NPAS3: variants seen among roughly 807,000 people sequenced by gnomAD.
The protein encoded by NPAS3 is neuronal PAS domain-containing protein 3.
NPAS3 carries 14 observed loss-of-function variants against 73.1 expected under a neutral mutation model. The ratio of observed to expected loss-of-function variants is 0.19; its 90% CI spans 0.13 to 0.30. NPAS3 has a LOEUF of 0.30. Among genes scored for constraint, NPAS3 ranks in the 10% least tolerant of loss-of-function variants. NPAS3 has a pLI of 1.00. For synonymous variants in NPAS3, 620 were observed against 541.5 expected, an observed-to-expected ratio of 1.14 and a Z score of -2.01; for missense variants, 1,096 against 1,250.0, an observed-to-expected ratio of 0.88 and a Z score of 1.86.
At chr14:33,038,680 T>G (rs550722927) in intron 1 of NPAS3, among the ~76,000 whole-genome samples, 1 of 152,276 alleles carries the variant, frequency 6.6e-6, no homozygotes, top group African/African-American at 2.4e-5. Context: ...GTACGCACAC[T>G]GGAAAATGGG....
chr14:33,393,278 A>C (rs2047083007), intron 4 of NPAS3, among the ~76,000 whole-genome samples: 1 of 152,148 alleles, frequency 6.6e-6, no homozygotes, highest in Non-Finnish European at 1.5e-5. Flanking sequence ...GTATTTGCTG[A>C]TAGTTTTTTA....
intron 2 of NPAS3, among the ~76,000 whole-genome samples, chr14:33,085,521 T>G (rs1270273360): frequency 6.6e-6 from 1 of 152,182 alleles, no homozygotes; most frequent in African/African-American, 2.4e-5. Flanking sequence ...TATTCTCTCT[T>G]CTCGTAGAAT....
At chr14:33,623,713 C>G (rs2058145062) in intron 5 of NPAS3, among the ~76,000 whole-genome samples, 1 of 152,202 alleles carries the variant, frequency 6.6e-6, no homozygotes. Context: ...TCCCCACACA[C>G]CTTTTATTTC....
intron 2 of NPAS3, among the ~76,000 whole-genome samples, chr14:33,161,103 C>G (rs1464139464): frequency 6.6e-6 from 1 of 152,184 alleles, no homozygotes; most frequent in East Asian, 1.9e-4. Context: ...GTGACTTTAG[C>G]TTTTCCTTAG....
intron 6 of NPAS3, among the ~76,000 whole-genome samples, chr14:33,715,217 C>G (rs2060925779): frequency 6.6e-6 from 1 of 152,180 alleles, no homozygotes; most frequent in Non-Finnish European, 1.5e-5. Context: ...TGTTTGTAAG[C>G]TGGCTCTGAT....
upstream of NPAS3, among the ~76,000 whole-genome samples, chr14:32,938,457 A>AAGAGAGAGAGAGAG (rs139406191): frequency 3.3e-4 from 23 of 68,668 alleles, no homozygotes; most frequent in African/African-American, 1.4e-3. Flanking sequence ...CCCAACGAGA[A>AAGAGAGAGAGAGAG]AGAGAGAGAG....
chr14:33,330,270 A>C (rs975019483), intron 3 of NPAS3, among the ~76,000 whole-genome samples: 3 of 152,126 alleles, frequency 2.0e-5, no homozygotes, highest in Non-Finnish European at 4.4e-5. Context: ...TAACAACAAC[A>C]ACAAAAAACA....
rs564738169 is a variant in NPAS3, at chr14:33,685,078, C to T, written c.733+8693C>T. Reference sequence around the variant, plus strand: ...TTCACGATTCAGACCCACTTGCTAACGGGGATTGTGTAGATTATTCAACAA... The same window carrying T: ...TTCACGATTCAGACCCACTTGCTAATGGGGATTGTGTAGATTATTCAACAA... On this transcript the variant is annotated intron_variant, in intron 6 of 11. Transcript: ENST00000356141. Among the ~76,000 whole-genome samples, 16 of 152,286 alleles carry T rather than the reference C, an allele frequency of 1.1e-4. No homozygotes were observed. The East Asian group carries it at 2.5e-3, about 24-fold the overall frequency.
intron 6 of NPAS3, among the ~76,000 whole-genome samples, chr14:33,733,773 C>CA (rs200159276): frequency 3.2e-4 from 47 of 149,106 alleles, no homozygotes; most frequent in East Asian, 9.8e-4. Flanking sequence ...CTCTCTAAAA[C>CA]AAAAAAAAAG....
At chr14:33,176,015 TCATC>T (rs997677535) in intron 2 of NPAS3, among the ~76,000 whole-genome samples, 3 of 152,194 alleles carry the variant, frequency 2.0e-5, no homozygotes, top group African/African-American at 7.2e-5. Context: ...ATTTTCTTGT[TCATC>T]CATTCAATTT....
chr14:33,602,826 G>T (rs1399444775), intron 5 of NPAS3, among the ~76,000 whole-genome samples: 1 of 152,060 alleles, frequency 6.6e-6, no homozygotes, highest in African/African-American at 2.4e-5. Flanking sequence ...AATTAGCCCT[G>T]GTCTGAGCGC....
At chr14:33,246,406 G>C (rs1218543983) in intron 3 of NPAS3, among the ~76,000 whole-genome samples, 3 of 151,878 alleles carry the variant, frequency 2.0e-5, no homozygotes, top group Non-Finnish European at 2.9e-5. Context: ...GGGCATGGTG[G>C]CGGGCACGTG....
chr14:33,557,950 CAG>C (rs1224934624), intron 4 of NPAS3, among the ~76,000 whole-genome samples: 1 of 152,122 alleles, frequency 6.6e-6, no homozygotes, highest in Admixed American at 6.5e-5. Context: ...GCCTGGGTGA[CAG>C]AGCAAGACTC....
chr14:33,418,209 G>A (rs556711954), intron 4 of NPAS3, among the ~76,000 whole-genome samples: 1 of 152,000 alleles, frequency 6.6e-6, no homozygotes, highest in East Asian at 1.9e-4. Flanking sequence ...AGTAATTGGT[G>A]TGCATCCCCC....
chr14:33,401,084 C>T (rs998643238), intron 4 of NPAS3, among the ~76,000 whole-genome samples: 4 of 152,134 alleles, frequency 2.6e-5, no homozygotes, highest in African/African-American at 7.2e-5. Flanking sequence ...ATACTGAGGA[C>T]GTTTTCAAGA....
intron 2 of NPAS3, among the ~76,000 whole-genome samples, chr14:33,202,520 C>T (rs1451591285): frequency 6.6e-6 from 1 of 151,972 alleles, no homozygotes; most frequent in Non-Finnish European, 1.5e-5. Context: ...GACTAAGCAC[C>T]TAATAAAGGA....
At position 33,384,205 on chromosome 14, in the gene NPAS3, C is replaced by T. The variant is rs192061911; in HGVS notation, c.468+16937C>T. ...ATTTAATAGCTAATAAAGGAGGGTC[C>T]GTTTTATTTTAAAATGAAGGCAACA... On this transcript the variant is annotated intron_variant, in intron 4 of 11. Coordinates refer to ENST00000356141, the Ensembl canonical transcript of NPAS3. 3.2e-3 allele frequency among the ~76,000 whole-genome samples: 482 copies of T among 151,740 alleles called. 3 individuals are homozygous for T. Among genetic ancestry groups the T allele is most frequent in the South Asian group, 0.029 (141 of 4,798 alleles).
rs527390784 is a variant in NPAS3 at position 33,298,140 on chromosome 14, A to G, written c.386-69046A>G. On this transcript the variant is annotated intron_variant, in intron 3 of 11. Coordinates refer to ENST00000356141, the Ensembl canonical transcript of NPAS3. ...CTACTAAAGATACAAAAAATTAGTC[A>G]GTTATGGTGGTACATGCCTGTAATC... Among the ~76,000 whole-genome samples the G allele has an allele frequency of 2.0e-5, 3 of 152,218 alleles. No homozygotes were observed. The East Asian group carries it at 5.8e-4, about 29-fold the overall frequency.
chr14:32,982,044 G>A (rs563071302), intron 1 of NPAS3, among the ~76,000 whole-genome samples: 57 of 152,244 alleles, frequency 3.7e-4, no homozygotes, highest in African/African-American at 1.4e-3. Context: ...TTAGTTTTAT[G>A]TTGCTATAGC....
Sources: gnomAD v4.1 joint callset for allele counts (sites outside exome capture counted in the v4.1 genomes callset) on GRCh38, gnomAD v4.1.1 for gene constraint, MANE v1.5 for transcripts, NCBI Gene and HGNC (gene_info 2026-07-23, HGNC 2026-07-21) for gene names.